Variants in PHACTR2 observed in about 807,000 individuals in gnomAD.
The protein encoded by PHACTR2 is phosphatase and actin regulator 2, also known as chromosome 6 open reading frame 56.
Under a neutral mutation model 76.0 loss-of-function variants are expected in PHACTR2, and 30 were observed. The observed-to-expected ratio is 0.39, with a 90% confidence interval of 0.30 to 0.54. The LOEUF (loss-of-function observed/expected upper bound fraction) is 0.54, where lower values mean the gene tolerates loss of function less well. PHACTR2 is among the 20% of genes least tolerant of loss of function. The probability of loss-of-function intolerance (pLI) is 0.61; values close to 1 mark genes in which losing one functional copy is unlikely to be tolerated. For missense variants in PHACTR2, 696 were observed against 781.1 expected (o/e 0.89, Z 1.30); for synonymous variants, 292 against 292.5 (o/e 1.00, Z 0.02).
intron 11 of PHACTR2, among the ~76,000 whole-genome samples, chr6:143,802,770 G>A (rs181675779): frequency 3.9e-5 from 6 of 151,974 alleles, no homozygotes; most frequent in South Asian, 2.1e-4. Flanking sequence ...TAAAGTGTCT[G>A]ATTTACTTTT....
rs950850157 is a variant in PHACTR2, at chr6:143,589,334, T to G, written c.217+52127T>G. Among the ~76,000 whole-genome samples, 8 of 152,148 alleles carry G rather than the reference T, an allele frequency of 5.3e-5. No homozygotes were observed. The highest frequency in any genetic ancestry group is 5.2e-4 in the Admixed American group (8 of 15,274). ...TGAATGACTTCTCACGATATCTGGT[T>G]GTTTAAAAGTGTGGGGCACCTCACC... On this transcript the variant is annotated intron_variant, in intron 1 of 11. Transcript: ENST00000367584. This position sits in a 1 kb window ranked among gnomAD's most constrained non-coding sequence, Gnocchi z 4.4.
In PHACTR2 at chr6:143,700,852, TACGGGGAACA is replaced by T. The variant is rs1469048132; in HGVS notation, c.47-11162_47-11153del. On this transcript the variant is annotated intron_variant, in intron 1 of 12. Coordinates refer to ENST00000440869, the MANE Select transcript of PHACTR2 (RefSeq NM_001100164.2). The surrounding 1 kb of genome is among the most constrained non-coding windows in gnomAD (Gnocchi z 4.1). ...GGAGTTGTTGTATATGACTAACATCTACGGGGAACAAGATAGGTTGTTGGTTGATTCCTGT... is the reference window on the plus strand; with the variant it reads ...GGAGTTGTTGTATATGACTAACATCTAGATAGGTTGTTGGTTGATTCCTGT... 1.3e-5 allele frequency among the ~76,000 whole-genome samples: 2 copies of T among 152,228 alleles called. No individual in the cohort carries two copies. Among genetic ancestry groups the T allele is most frequent in the East Asian group, 3.8e-4 (2 of 5,200 alleles).
intron 11 of PHACTR2, among the ~76,000 whole-genome samples, chr6:143,790,827 C>T (rs1775666890): frequency 1.3e-5 from 2 of 152,076 alleles, no homozygotes; most frequent in Non-Finnish European, 2.9e-5. Context: ...GCGCCCGCCA[C>T]CACGCCCAGC....
intron 1 of PHACTR2, among the ~76,000 whole-genome samples, chr6:143,670,525 G>A (rs1261925592): frequency 1.3e-5 from 2 of 152,094 alleles, no homozygotes; most frequent in Admixed American, 1.3e-4. Context: ...ATATTTCTTG[G>A]AGGCTTTGTT....
intron 2 of PHACTR2, among the ~76,000 whole-genome samples, chr6:143,741,111 G>T (rs1384248923): frequency 5.3e-5 from 8 of 149,778 alleles, no homozygotes; most frequent in Admixed American, 1.3e-4. Flanking sequence ...AGCCGGGCAT[G>T]GTGGCGCATG....
rs1464298212 is a variant in PHACTR2 at position 143,754,648 on chromosome 6, G to A, written c.454+736G>A. Among the ~76,000 whole-genome samples the A allele has an allele frequency of 6.6e-6, 1 of 152,126 alleles. No homozygotes were observed. Among genetic ancestry groups the A allele is most frequent in the African/African-American group, 2.4e-5 (1 of 41,420 alleles). Reference sequence around the variant, plus strand: ...AGAACATTCACAAATTCCTAGTTATGGATTGATGACATCTCGATACCACTG... The same window carrying A: ...AGAACATTCACAAATTCCTAGTTATAGATTGATGACATCTCGATACCACTG... On this transcript the variant is annotated intron_variant, in intron 4 of 12. Coordinates refer to ENST00000440869, the MANE Select transcript of PHACTR2 (RefSeq NM_001100164.2). This position sits in a 1 kb window ranked among gnomAD's most constrained non-coding sequence, Gnocchi z 6.2.
chr6:143,746,801 A>G (rs1403100305), intron 2 of PHACTR2, among the ~76,000 whole-genome samples: 1 of 152,048 alleles, frequency 6.6e-6, no homozygotes, highest in Non-Finnish European at 1.5e-5. Flanking sequence ...TATTTAAATA[A>G]CAACACTCTT....
chr6:143,780,933 G>A lies in PHACTR2; in HGVS notation c.1646-2286G>A, dbSNP rs1775414360. Among the ~76,000 whole-genome samples the A allele has an allele frequency of 6.6e-6, 1 of 152,224 alleles. No individual in the cohort carries two copies. Among genetic ancestry groups the A allele is most frequent in the Non-Finnish European group, 1.5e-5 (1 of 68,040 alleles). On this transcript the variant is annotated intron_variant, in intron 9 of 12. Coordinates refer to ENST00000440869, the MANE Select transcript of PHACTR2 (RefSeq NM_001100164.2). The surrounding 1 kb of genome is among the most constrained non-coding windows in gnomAD (Gnocchi z 4.4). ...AAAACTTGGTGTATTTTCAAATACT[G>A]AGTTTAAGGTTTAAACTTGACTCTA...
rs562055424 is a variant in PHACTR2 at position 143,794,485 on chromosome 6, A to G, written c.1845+5575A>G. On this transcript the variant is annotated intron_variant, in intron 11 of 12. Coordinates refer to ENST00000440869, the MANE Select transcript of PHACTR2 (RefSeq NM_001100164.2). This position sits in a 1 kb window ranked among gnomAD's most constrained non-coding sequence, Gnocchi z 4.1. ...AAAACTATTCAAAGTAAATATTTCC[A>G]CCTCTGCTTTAAAAAATAAACAATG... Among the ~76,000 whole-genome samples, 43 of 152,198 alleles carry G rather than the reference A, an allele frequency of 2.8e-4. No individual in the cohort carries two copies. The South Asian group carries it at 8.1e-3, about 29-fold the overall frequency.
chr6:143,615,395 G>A (rs1238988537), intron 1 of PHACTR2, among the ~76,000 whole-genome samples: 1 of 152,132 alleles, frequency 6.6e-6, no homozygotes, highest in Non-Finnish European at 1.5e-5. Context: ...ATTTAATGAT[G>A]TTTAATTAAG....
At chr6:143,704,739 C>T (rs1778006469) in intron 1 of PHACTR2, among the ~76,000 whole-genome samples, 1 of 152,128 alleles carries the variant, frequency 6.6e-6, no homozygotes, top group Non-Finnish European at 1.5e-5. Flanking sequence ...TTCAGGATGC[C>T]ATGTTACATG....
In PHACTR2 at chr6:143,803,449, G is replaced by A. The variant is rs1167306547; in HGVS notation, c.1846-3608G>A. 2.0e-5 allele frequency among the ~76,000 whole-genome samples: 3 copies of A among 152,182 alleles called. No homozygotes were observed. The highest frequency in any genetic ancestry group is 4.8e-5 in the African/African-American group (2 of 41,448). ...TGTAGGCCCAGCCACTCAGGAGGCT[G>A]AGGTGGGAGAATTGTTTGAACCCAG... On this transcript the variant is annotated intron_variant, in intron 11 of 12. Transcript: ENST00000440869. The surrounding 1 kb of genome is among the most constrained non-coding windows in gnomAD (Gnocchi z 4.7).
At chr6:143,564,164 T>G (rs1244762795) in intron 1 of PHACTR2, among the ~76,000 whole-genome samples, 1 of 114,976 alleles carries the variant, frequency 8.7e-6, no homozygotes, top group Non-Finnish European at 1.9e-5. Flanking sequence ...TATGTGTGTG[T>G]GCATATATGT....
intron 11 of PHACTR2, among the ~76,000 whole-genome samples, chr6:143,798,005 C>T (rs781778857): frequency 2.0e-5 from 3 of 152,130 alleles, no homozygotes; most frequent in South Asian, 2.1e-4. Context: ...GCCATTTTCA[C>T]GATATTGATT....
At chr6:143,732,045 T>G (rs1365000574) in intron 2 of PHACTR2, among the ~76,000 whole-genome samples, 3 of 152,344 alleles carry the variant, frequency 2.0e-5, no homozygotes, top group African/African-American at 7.2e-5. Flanking sequence ...AAAGTCTATG[T>G]GCAAATGCTA....
At chr6:143,736,218 A>G in intron 2 of PHACTR2, among the ~76,000 whole-genome samples, 1 of 152,140 alleles carries the variant, frequency 6.6e-6, no homozygotes. Context: ...ACTATTTTAA[A>G]TGCCTGCAAT....
Position 143,652,673 on chromosome 6 carries a change from T to C in PHACTR2, c.13+44351T>C, listed in dbSNP as rs7747182. ...CCTGCTGCTGTTGTTAAGTGGCCTGTACCATCCTTGAGTAGGCAAGAAGAG... is the reference window on the plus strand; with the variant it reads ...CCTGCTGCTGTTGTTAAGTGGCCTGCACCATCCTTGAGTAGGCAAGAAGAG... On this transcript the variant is annotated intron_variant, in intron 1 of 11. Transcript: ENST00000305766. This position sits in a 1 kb window ranked among gnomAD's most constrained non-coding sequence, Gnocchi z 4.5. Among the ~76,000 whole-genome samples the C allele has an allele frequency of 0.49, 75,057 of 152,074 alleles. 18,517 individuals are homozygous for C. Among genetic ancestry groups the C allele is most frequent in the South Asian group, 0.58 (2,814 of 4,824 alleles).
chr6:143,801,150 C>G lies in PHACTR2; in HGVS notation c.1846-5907C>G, dbSNP rs372541132. ...ACATTTTTTCCTCCATTTCAACCTT[C>G]GTGAATCTGACAGTTATGTGTCTTG... On this transcript the variant is annotated intron_variant, in intron 11 of 12. Coordinates refer to ENST00000440869, the MANE Select transcript of PHACTR2 (RefSeq NM_001100164.2). The surrounding 1 kb of genome is among the most constrained non-coding windows in gnomAD (Gnocchi z 4.6). 6.6e-6 allele frequency among the ~76,000 whole-genome samples: 1 copy of G among 152,140 alleles called. No individual in the cohort carries two copies. The highest frequency in any genetic ancestry group is 1.5e-5 in the Non-Finnish European group (1 of 68,032).
chr6:143,752,464 C>G (rs72556986), intron 3 of PHACTR2, among the ~76,000 whole-genome samples: 58,511 of 151,840 alleles, frequency 0.39, 11,317 homozygotes, highest in African/African-American at 0.41. Flanking sequence ...AAAATTCTTA[C>G]TTTAATTTTA....
Sources: allele counts gnomAD v4.1 joint callset (sites outside exome capture counted in the v4.1 genomes callset), GRCh38; gene constraint gnomAD v4.1.1; non-coding constraint Gnocchi (gnomAD v3.1); transcripts MANE v1.5; gene names NCBI Gene and HGNC (gene_info 2026-07-23, HGNC 2026-07-21).